Variants in SEM1 observed in about 807,000 individuals in gnomAD.
The protein encoded by SEM1 is 26S proteasome complex subunit SEM1.
In SEM1, 3 loss-of-function variants were observed where a neutral mutation model predicts 12.7. The observed-to-expected ratio is 0.24, with a 90% confidence interval of 0.11 to 0.61. The LOEUF (loss-of-function observed/expected upper bound fraction) is 0.61. Among genes scored for constraint, SEM1 ranks in the 20% least tolerant of loss-of-function variants. The pLI, the probability that SEM1 is intolerant of heterozygous loss-of-function variation, is 0.88. For missense variants in SEM1, 59 were observed against 81.3 expected (o/e 0.73, Z 1.06); for synonymous variants, 30 against 27.8 (o/e 1.08, Z -0.25).
intron 2 of SEM1, among the ~76,000 whole-genome samples, chr7:96,511,815 T>C (rs1305885229): frequency 2.0e-5 from 3 of 152,100 alleles, no homozygotes; most frequent in African/African-American, 4.8e-5. Flanking sequence ...GCACAGTCTG[T>C]CCACTGATGT....
chr7:96,510,541 C>A (rs1040912652), intron 2 of SEM1, among the ~76,000 whole-genome samples: 20 of 152,140 alleles, frequency 1.3e-4, no homozygotes, highest in Non-Finnish European at 2.4e-4. Flanking sequence ...TGGTTCATCA[C>A]TGACCAAAGC....
chr7:96,589,519 A>AT (rs1394878552), intron 2 of SEM1, among the ~76,000 whole-genome samples: 1 of 152,024 alleles, frequency 6.6e-6, no homozygotes, highest in African/African-American at 2.4e-5. Flanking sequence ...GTGTAACTCC[A>AT]TTGTGTGTAC....
chr7:96,569,337 C>T (rs1805946626), intron 2 of SEM1, among the ~76,000 whole-genome samples: 1 of 151,990 alleles, frequency 6.6e-6, no homozygotes, highest in Non-Finnish European at 1.5e-5. Context: ...TACATTTCCT[C>T]AAATAACCAG....
At position 96,688,788 on chromosome 7, in the gene SEM1, T is replaced by C. The variant is rs1789838441; in HGVS notation, c.*136A>G. 1 of 633,692 alleles carries C rather than the reference T, an allele frequency of 1.6e-6. No homozygotes were observed. Among genetic ancestry groups the C allele is most frequent in the Non-Finnish European group, 2.8e-6 (1 of 357,296 alleles). 39.3% of individuals were successfully genotyped at this position (633,692 alleles called of 1,614,324 possible). A position where few individuals can be genotyped will look rare whatever the true frequency, so the allele number is the denominator to read the frequency against. On this transcript the variant is annotated 3_prime_UTR_variant, in exon 3 of 3. Transcript: ENST00000248566. The stretch of plus-strand genomic sequence containing the variant: ...AAGATTATATCAAAACATTTATTTT[T>C]TGTGTTACAAAAACACAAATAAATC...
At chr7:96,578,997 G>A (rs1806296366) in intron 2 of SEM1, among the ~76,000 whole-genome samples, 1 of 152,144 alleles carries the variant, frequency 6.6e-6, no homozygotes, top group South Asian at 2.1e-4. Flanking sequence ...TATGCCTTAT[G>A]AGAAACTAGG....
At chr7:96,636,197 T>C (rs1262104762) in intron 2 of SEM1, among the ~76,000 whole-genome samples, 1 of 151,968 alleles carries the variant, frequency 6.6e-6, no homozygotes, top group Non-Finnish European at 1.5e-5. Flanking sequence ...AAGGAAGATA[T>C]ATAACACAAG....
downstream of SEM1, among the ~76,000 whole-genome samples, chr7:96,684,327 T>C (rs1789700325): frequency 6.6e-6 from 1 of 152,088 alleles, no homozygotes; most frequent in Non-Finnish European, 1.5e-5. Context: ...CATCCTTGTA[T>C]CCAATCACTT....
intron 2 of SEM1, among the ~76,000 whole-genome samples, chr7:96,644,500 C>G (rs376223786): frequency 1.2e-4 from 18 of 152,090 alleles, no homozygotes; most frequent in African/African-American, 4.3e-4. Flanking sequence ...GGTCAGGTCT[C>G]CTCCTGCTCA....
intron 2 of SEM1, among the ~76,000 whole-genome samples, chr7:96,510,784 T>A (rs1803912554): frequency 6.6e-6 from 1 of 152,162 alleles, no homozygotes; most frequent in Admixed American, 6.6e-5. Context: ...AATGAGAATC[T>A]CTGCAGGTGG....
chr7:96,643,134 G>C (rs1193124307), intron 2 of SEM1, among the ~76,000 whole-genome samples: 1 of 151,898 alleles, frequency 6.6e-6, no homozygotes, highest in African/African-American at 2.4e-5. Context: ...CCCAGTGTGT[G>C]TTGTTCCCAC....
At chr7:96,687,184 G>C (rs1789785486), downstream of SEM1, among the ~76,000 whole-genome samples, 1 of 152,084 alleles carries the variant, frequency 6.6e-6, no homozygotes, top group African/African-American at 2.4e-5. Context: ...TTACACTGTT[G>C]GTGGGACGGT....
intron 1 of SEM1, among the ~76,000 whole-genome samples, chr7:96,699,870 T>C (rs1790216618): frequency 6.6e-6 from 1 of 152,162 alleles, no homozygotes; most frequent in Admixed American, 6.5e-5. Flanking sequence ...GGATAAACAC[T>C]TCCAAAATAC....
chr7:96,487,122 G>A (rs968337410), intron 1 of SEM1, among the ~76,000 whole-genome samples: 8 of 140,116 alleles, frequency 5.7e-5, no homozygotes, highest in African/African-American at 2.7e-4. Flanking sequence ...TTATAGGGCT[G>A]GGACTAGGGA....
intron 2 of SEM1, 145 bp downstream of exon 2, chr7:96,694,653 G>A (rs1790033319): frequency 4.5e-6 from 2 of 448,162 alleles, no homozygotes; most frequent in Non-Finnish European, 4.0e-6. Context: ...CACAGGAGAT[G>A]AAGACAATAT....
chr7:96,703,781 AC>A (rs1790347666), intron 1 of SEM1, among the ~76,000 whole-genome samples: 1 of 152,118 alleles, frequency 6.6e-6, no homozygotes, highest in Admixed American at 6.5e-5. Context: ...CCAAATCTCC[AC>A]AAAAAATTTG....
chr7:96,639,069 G>A (rs993447034), intron 2 of SEM1, among the ~76,000 whole-genome samples: 4 of 151,968 alleles, frequency 2.6e-5, no homozygotes, highest in African/African-American at 9.7e-5. Context: ...CAATGTGTTT[G>A]TAATTGCTTC....
chr7:96,483,724 C>T, exon 4 of SEM1: 1 of 1,186,612 alleles, frequency 8.4e-7, no homozygotes, highest in Non-Finnish European at 1.2e-6. Flanking sequence ...CACCCAGCCA[C>T]ACAGAAAGCT....
At chr7:96,496,610 A>T (rs1220926536), upstream of SEM1, among the ~76,000 whole-genome samples, 2 of 152,178 alleles carry the variant, frequency 1.3e-5, no homozygotes, top group Admixed American at 6.5e-5. Context: ...GAAAAAAAAT[A>T]CTGCTTTCTC....
At chr7:96,661,446 A>G (rs533567882) in intron 2 of SEM1, among the ~76,000 whole-genome samples, 1 of 152,350 alleles carries the variant, frequency 6.6e-6, no homozygotes, top group Non-Finnish European at 1.5e-5. Context: ...GTTTTATATA[A>G]GACAACAAAT....
Sources: allele counts gnomAD v4.1 joint callset (sites outside exome capture counted in the v4.1 genomes callset), GRCh38; gene constraint gnomAD v4.1.1; transcripts MANE v1.5; gene names NCBI Gene and HGNC (gene_info 2026-07-23, HGNC 2026-07-21).